The following DLG2 variants were observed in gnomAD, a reference collection of about 807,000 sequenced individuals.
The protein encoded by DLG2 is discs large MAGUK scaffold protein 2, also known as disks large homolog 2.
In DLG2, 45 loss-of-function variants were observed where a neutral mutation model predicts 132.5. The ratio of observed to expected loss-of-function variants is 0.34; its 90% CI spans 0.27 to 0.44. The LOEUF (loss-of-function observed/expected upper bound fraction) is 0.44. Ranked by LOEUF, DLG2 falls within the 20% of genes least tolerant of loss-of-function variation. DLG2 has a pLI of 1.00. For missense variants in DLG2, 1,045 were observed against 1,196.9 expected, an observed-to-expected ratio of 0.87 and a Z score of 1.87; for synonymous variants, 424 against 419.6, an observed-to-expected ratio of 1.01 and a Z score of -0.13.
chr11:84,471,409 C>A (rs1035803375), intron 7 of DLG2, among the ~76,000 whole-genome samples: 3 of 151,820 alleles, frequency 2.0e-5, no homozygotes, highest in Admixed American at 2.0e-4. Context: ...ACAACCCTTT[C>A]TCTTTTACTT....
intron 8 of DLG2, among the ~76,000 whole-genome samples, chr11:84,225,124 G>T (rs1250830034): frequency 1.3e-5 from 2 of 152,156 alleles, no homozygotes; most frequent in Non-Finnish European, 2.9e-5. Context: ...TGAAGCCATA[G>T]TCTCTATCTC....
At chr11:84,239,598 T>C (rs1171329022) in intron 8 of DLG2, among the ~76,000 whole-genome samples, 2 of 152,096 alleles carry the variant, frequency 1.3e-5, no homozygotes, top group Non-Finnish European at 2.9e-5. Flanking sequence ...CAATGGCCAA[T>C]GGCCATCATT....
chr11:85,212,170 C>T (rs940696271), intron 4 of DLG2, among the ~76,000 whole-genome samples: 6 of 152,034 alleles, frequency 3.9e-5, no homozygotes, highest in Non-Finnish European at 8.8e-5. Flanking sequence ...TAGTACACCT[C>T]GACCCCACTA....
intron 11 of DLG2, among the ~76,000 whole-genome samples, chr11:84,032,190 A>G (rs60335383): frequency 3.4e-4 from 52 of 152,322 alleles, no homozygotes; most frequent in African/African-American, 1.3e-3. Context: ...CCTTTAAATC[A>G]AAATCTAGAA....
chr11:83,522,815 C>T (rs28610035), intron 21 of DLG2, among the ~76,000 whole-genome samples: 1,118 of 74,422 alleles, frequency 0.015, 8 homozygotes, highest in Non-Finnish European at 0.017. Flanking sequence ...CCCCCCCCCC[C>T]TTTTTTTTTT....
At chr11:84,139,377 C>A (rs1284799778) in intron 9 of DLG2, among the ~76,000 whole-genome samples, 3 of 151,816 alleles carry the variant, frequency 2.0e-5, no homozygotes, top group Non-Finnish European at 4.4e-5. Context: ...AGGGAGGAAA[C>A]CATATAGGAA....
At chr11:85,121,834 A>G (rs1217171048) in intron 5 of DLG2, among the ~76,000 whole-genome samples, 9 of 152,180 alleles carry the variant, frequency 5.9e-5, no homozygotes, top group Admixed American at 5.9e-4. Flanking sequence ...TGCACATTAT[A>G]TATACACATG....
intron 8 of DLG2, among the ~76,000 whole-genome samples, chr11:84,207,623 T>C (rs2154305724): frequency 6.6e-6 from 1 of 152,290 alleles, no homozygotes; most frequent in African/African-American, 2.4e-5. Context: ...CCTCACATCA[T>C]ACACAACAAG....
chr11:84,420,650 CTTTTTTTTTTTTTTTTTTTTTTT>C (rs768420271), intron 7 of DLG2, among the ~76,000 whole-genome samples: 8 of 42,208 alleles, frequency 1.9e-4, no homozygotes, highest in South Asian at 1.1e-3. Flanking sequence ...TGCTTGTTTT[CTTTTTTTTTTTTTTTTTTTTTTT>C]TTTTTTTTTT....
chr11:84,517,670 G>T (rs2099277874), intron 7 of DLG2, among the ~76,000 whole-genome samples: 1 of 151,894 alleles, frequency 6.6e-6, no homozygotes, highest in Non-Finnish European at 1.5e-5. Flanking sequence ...AGTAAATAAA[G>T]TCAGTATGTT....
intron 5 of DLG2, chr11:85,132,719 A>G: frequency 2.2e-6 from 1 of 456,680 alleles, no homozygotes. Flanking sequence ...GGACCAGAAT[A>G]ATAATAGAAA....
chr11:84,840,423 A>T (rs189824387), intron 6 of DLG2, among the ~76,000 whole-genome samples: 6 of 152,318 alleles, frequency 3.9e-5, no homozygotes, highest in African/African-American at 1.4e-4. Flanking sequence ...ATTGTGGAAG[A>T]CAGTGTGACT....
chr11:84,815,991 C>T (rs2077047713), intron 6 of DLG2, among the ~76,000 whole-genome samples: 1 of 152,054 alleles, frequency 6.6e-6, no homozygotes, highest in African/African-American at 2.4e-5. Context: ...CTGCAAACAA[C>T]TTTCATTTGT....
At chr11:83,662,312 T>A (rs1285700900) in intron 18 of DLG2, among the ~76,000 whole-genome samples, 1 of 152,176 alleles carries the variant, frequency 6.6e-6, no homozygotes, top group Non-Finnish European at 1.5e-5. Context: ...CAATACAGAT[T>A]GAAAATGGCT....
At chr11:84,504,779 A>T (rs1267866516) in intron 7 of DLG2, among the ~76,000 whole-genome samples, 2 of 152,050 alleles carry the variant, frequency 1.3e-5, no homozygotes, top group African/African-American at 4.8e-5. Flanking sequence ...TTTGACCTTT[A>T]GCTGATAAAA....
intron 6 of DLG2, among the ~76,000 whole-genome samples, chr11:84,672,849 TCAGGGTTC>T (rs1212946401): frequency 6.6e-6 from 1 of 152,062 alleles, no homozygotes. Context: ...CTTAATTGGC[TCAGGGTTC>T]CACAGGCTAT....
chr11:83,523,035 A>C (rs1358643318), intron 21 of DLG2, among the ~76,000 whole-genome samples: 1 of 152,222 alleles, frequency 6.6e-6, no homozygotes, highest in Admixed American at 6.5e-5. Context: ...AGCAAGTCAG[A>C]TGACTGGACA....
intron 18 of DLG2, among the ~76,000 whole-genome samples, chr11:83,756,621 AG>A (rs1593756661): frequency 6.6e-6 from 1 of 151,580 alleles, no homozygotes; most frequent in East Asian, 1.9e-4. Flanking sequence ...ATAACCTCAT[AG>A]GATTCTTGTG....
intron 7 of DLG2, among the ~76,000 whole-genome samples, chr11:84,265,575 A>T (rs2097611799): frequency 6.6e-6 from 1 of 152,184 alleles, no homozygotes; most frequent in Non-Finnish European, 1.5e-5. Flanking sequence ...TAATTTTCAT[A>T]TAACTACTAT....
Sources: gnomAD v4.1 joint callset for allele counts (sites outside exome capture counted in the v4.1 genomes callset) on GRCh38, gnomAD v4.1.1 for gene constraint, MANE v1.5 for transcripts, NCBI Gene and HGNC (gene_info 2026-07-23, HGNC 2026-07-21) for gene names.